The following PIK3R3 variants were observed in gnomAD, a reference collection of about 807,000 sequenced individuals.
PIK3R3 encodes the protein phosphoinositide-3-kinase regulatory subunit 3.
A neutral mutation model predicts 62.9 loss-of-function variants in PIK3R3; 64 were observed. The ratio of observed to expected loss-of-function variants is 1.02; its 90% CI spans 0.83 to 1.25. PIK3R3 has a LOEUF of 1.25. Among genes scored for constraint, PIK3R3 ranks in the 50% most tolerant of loss-of-function variants. The pLI is 0.00. For missense variants in PIK3R3, 614 were observed against 561.6 expected (o/e 1.09, Z -0.94); for synonymous variants, 165 against 189.0 (o/e 0.87, Z 1.04).
the PIK3R3 span, among the ~76,000 whole-genome samples, chr1:46,163,981 A>C: frequency 0.58 from 88,706 of 151,968 alleles, 25,933 homozygotes; most frequent in South Asian, 0.67. Flanking sequence ...ATGCACTAGG[A>C]CCAGCCCAGT....
intron 1 of PIK3R3, among the ~76,000 whole-genome samples, chr1:46,115,844 T>C (rs957644468): frequency 1.3e-5 from 2 of 152,232 alleles, no homozygotes; most frequent in Admixed American, 6.5e-5. Context: ...TCTTGGTTCC[T>C]GGCCCTTATT....
At position 46,132,474 on chromosome 1, in the gene PIK3R3, G is replaced by A. The variant is rs1371419907; in HGVS notation, c.-522C>T. On this transcript the variant is annotated 5_prime_UTR_variant, in exon 1 of 10. Transcript: ENST00000262741. ...AGAGAGCGAATCCCCCAGAGGCCGG[G>A]ACTCGGGCTCCTCTCCGGTCGGTCT... The A allele has an allele frequency of 8.3e-6, 10 of 1,200,832 alleles. No homozygotes were observed. Among genetic ancestry groups the A allele is most frequent in the African/African-American group, 1.6e-5 (1 of 62,762 alleles). The allele number at this position is 1,200,832 out of a possible 1,614,324, so 74.4% of individuals were successfully genotyped here.
intron 1 of PIK3R3, among the ~76,000 whole-genome samples, chr1:46,120,983 A>C (rs1283726153): frequency 3.3e-5 from 5 of 152,146 alleles, no homozygotes; most frequent in Non-Finnish European, 7.4e-5. Flanking sequence ...TTATTTATGG[A>C]TATGATATGA....
chr1:46,079,509 C>T (rs1650379469), intron 2 of PIK3R3, among the ~76,000 whole-genome samples: 1 of 152,150 alleles, frequency 6.6e-6, no homozygotes, highest in African/African-American at 2.4e-5. Context: ...TTTGGAACCA[C>T]TGGCTTAAGA....
the PIK3R3 span, among the ~76,000 whole-genome samples, chr1:46,170,690 G>C: frequency 6.6e-6 from 1 of 152,114 alleles, no homozygotes; most frequent in African/African-American, 2.4e-5. Flanking sequence ...CAAAGTGCTG[G>C]GATTACAGGC....
chr1:46,149,422 A>G, the PIK3R3 span, among the ~76,000 whole-genome samples: 4 of 109,238 alleles, frequency 3.7e-5, no homozygotes, highest in Admixed American at 3.5e-4. Flanking sequence ...ACTCTGTCTC[A>G]AAAAAAAAAA....
At chr1:46,165,848 T>C in the PIK3R3 span, among the ~76,000 whole-genome samples, 2 of 131,574 alleles carry the variant, frequency 1.5e-5, no homozygotes, top group African/African-American at 2.8e-5. Context: ...CTCGGCTCAC[T>C]GTAAGCTCCG....
At position 46,078,968 on chromosome 1, in the gene PIK3R3, G is replaced by C. The variant is rs1232434393; in HGVS notation, c.216-1355C>G. Reference sequence around the variant, plus strand: ...GAATGGTGGTTGCCATGAGCTGAGGGAGGGGAGAATGGGGGGTTATTGTTT... The same window carrying C: ...GAATGGTGGTTGCCATGAGCTGAGGCAGGGGAGAATGGGGGGTTATTGTTT... On this transcript the variant is annotated intron_variant, in intron 2 of 9. Coordinates refer to ENST00000262741, the MANE Select transcript of PIK3R3 (RefSeq NM_003629.4). Among the ~76,000 whole-genome samples the C allele has an allele frequency of 3.3e-5, 5 of 152,158 alleles. No homozygotes were observed. In the East Asian group the frequency reaches 7.7e-4, roughly 23 times the overall value.
chr1:46,071,742 G>A lies in PIK3R3; in HGVS notation c.315-4651C>T, dbSNP rs1216275446. The stretch of plus-strand genomic sequence containing the variant: ...ATATATATATATATAGAGAGAGAGA[G>A]AGAGAGAGAGAGAGAGAGCGCGCGC... On this transcript the variant is annotated intron_variant, in intron 3 of 9. Transcript: ENST00000262741. Among the ~76,000 whole-genome samples the A allele has an allele frequency of 4.4e-5, 5 of 112,816 alleles. No homozygotes were observed. In the East Asian group the frequency reaches 1.2e-3, roughly 26 times the overall value. 74.0% of individuals were successfully genotyped at this position (112,816 alleles called of 152,430 possible).
intron 1 of PIK3R3, among the ~76,000 whole-genome samples, chr1:46,092,767 A>C (rs1246379162): frequency 6.6e-6 from 1 of 151,576 alleles, no homozygotes; most frequent in Non-Finnish European, 1.5e-5. Flanking sequence ...CCTCAGTAAG[A>C]CCTCTAATTC....
the PIK3R3 span, among the ~76,000 whole-genome samples, chr1:46,174,278 T>C: frequency 2.0e-5 from 3 of 152,126 alleles, no homozygotes; most frequent in East Asian, 1.9e-4. Context: ...CCCTTGAGCA[T>C]GGCCCAAGCA....
At chr1:46,047,149 G>T (rs1348945929) in intron 7 of PIK3R3, 1 of 152,892 alleles carries the variant, frequency 6.5e-6, no homozygotes, top group Non-Finnish European at 1.5e-5. Flanking sequence ...GAAAATCATA[G>T]TATCCAAGCC....
chr1:46,134,114 T>C (rs1655838977), upstream of PIK3R3, among the ~76,000 whole-genome samples: 1 of 152,162 alleles, frequency 6.6e-6, no homozygotes, highest in Admixed American at 6.5e-5. Flanking sequence ...TACAATACAG[T>C]CTGAGGAGGC....
intron 1 of PIK3R3, among the ~76,000 whole-genome samples, chr1:46,130,579 A>G (rs1425500454): frequency 1.3e-5 from 2 of 152,028 alleles, no homozygotes; most frequent in Admixed American, 1.3e-4. Flanking sequence ...AAAAAACAGG[A>G]TAATTCACCG....
chr1:46,102,647 T>C (rs1450123196), intron 1 of PIK3R3, among the ~76,000 whole-genome samples: 1 of 149,248 alleles, frequency 6.7e-6, no homozygotes, highest in Non-Finnish European at 1.5e-5. Context: ...AAAAGAAGAG[T>C]GTTGGTAAGG....
At chr1:46,076,549 A>G (rs1650081389) in intron 3 of PIK3R3, among the ~76,000 whole-genome samples, 1 of 152,218 alleles carries the variant, frequency 6.6e-6, no homozygotes, top group African/African-American at 2.4e-5. Flanking sequence ...GCACAATTCA[A>G]GTGCAAAGGT....
chr1:46,071,759 A>AGAGAGAGAGAGAGAGAGCGAGC (rs777668187), intron 3 of PIK3R3, among the ~76,000 whole-genome samples: 2 of 100,104 alleles, frequency 2.0e-5, no homozygotes, highest in Non-Finnish European at 4.3e-5. Flanking sequence ...AGAGAGAGAG[A>AGAGAGAGAGAGAGAGAGCGAGC]GCGCGCGCCT....
intron 1 of PIK3R3, among the ~76,000 whole-genome samples, chr1:46,130,167 T>C (rs1655451414): frequency 1.3e-5 from 2 of 152,202 alleles, no homozygotes; most frequent in Admixed American, 1.3e-4. Context: ...ACAAATTCCC[T>C]TTGTATGTCT....
chr1:46,047,437 C>CA (rs766324030), intron 7 of PIK3R3, among the ~76,000 whole-genome samples: 63 of 60,960 alleles, frequency 1.0e-3, no homozygotes, highest in South Asian at 2.2e-3. Context: ...GACTCCATCT[C>CA]AAAAAAAAAA....
Sources: gnomAD v4.1 joint callset for allele counts (sites outside exome capture counted in the v4.1 genomes callset) on GRCh38, gnomAD v4.1.1 for gene constraint, MANE v1.5 for transcripts, NCBI Gene and HGNC (gene_info 2026-07-23, HGNC 2026-07-21) for gene names.